The following CCDC200 variants were observed in gnomAD, a reference collection of about 807,000 sequenced individuals.
CCDC200 encodes the protein coiled-coil domain containing 200.
chr17:43,223,176 C>G lies in CCDC200; in HGVS notation c.480+380G>C, dbSNP rs1197789508. 2.0e-5 allele frequency among the ~76,000 whole-genome samples: 3 copies of G among 151,636 alleles called. No individual in the cohort carries two copies. In the East Asian group the frequency reaches 5.8e-4, roughly 29 times the overall value. Reference sequence around the variant, plus strand: ...AAGCGATCCTCTCACCTTGATCTCCCAAAGTGCTGGGATTATAGGCATGAG... The same window carrying G: ...AAGCGATCCTCTCACCTTGATCTCCGAAAGTGCTGGGATTATAGGCATGAG... On this transcript the variant is annotated intron_variant, in intron 3 of 3. Coordinates refer to ENST00000636331, the MANE Select transcript of CCDC200 (RefSeq NM_001363254.2).
intron 3 of CCDC200, among the ~76,000 whole-genome samples, chr17:43,222,702 CCTTAGCCTCCCAAGTAG>C (rs2057541255): frequency 6.6e-6 from 1 of 151,624 alleles, no homozygotes; most frequent in East Asian, 1.9e-4. Flanking sequence ...GCGATCTTCA[CCTTAGCCTCCCAAGTAG>C]CTTGGACTCC....
At chr17:43,226,290 A>G (rs1406385424) in intron 1 of CCDC200, 1 of 152,216 alleles carries the variant, frequency 6.6e-6, no homozygotes, top group Non-Finnish European at 1.5e-5. Context: ...GCAGTGAGCT[A>G]TGAATGGGCC....
chr17:43,223,077 T>C (rs2057544050), intron 3 of CCDC200, among the ~76,000 whole-genome samples: 1 of 151,622 alleles, frequency 6.6e-6, no homozygotes, highest in African/African-American at 2.4e-5. Context: ...ACCCAGCTAG[T>C]TTTTAAAATT....
intron 1 of CCDC200, among the ~76,000 whole-genome samples, chr17:43,225,735 C>T (rs1433585285): frequency 3.0e-4 from 14 of 45,996 alleles, no homozygotes; most frequent in East Asian, 2.0e-3. Flanking sequence ...TTCTTTTTTT[C>T]TTTTTTTTTT....
At chr17:43,223,459 T>TAAACACACACACACACAC (rs1490917715) in intron 3 of CCDC200, 97 bp downstream of exon 3, 2 of 136,314 alleles carry the variant, frequency 1.5e-5, no homozygotes, top group Admixed American at 1.5e-4. Flanking sequence ...TTCTCTGGAC[T>TAAACACACACACACACAC]ACACACACAC....
At chr17:43,221,742 C>T (rs148959313) in intron 3 of CCDC200, 145 bp from the exon 4 acceptor site, 4 of 152,728 alleles carry the variant, frequency 2.6e-5, no homozygotes, top group African/African-American at 7.2e-5. Context: ...CAGTTTCTTT[C>T]ATCTGTTGCA....
At chr17:43,227,726 TC>T (rs1458600010) in intron 1 of CCDC200, among the ~76,000 whole-genome samples, 1 of 150,966 alleles carries the variant, frequency 6.6e-6, no homozygotes, top group African/African-American at 2.4e-5. Context: ...CCTCAACTGA[TC>T]CACCCACCTT....
At chr17:43,222,241 C>T (rs544969063) in intron 3 of CCDC200, among the ~76,000 whole-genome samples, 1 of 152,244 alleles carries the variant, frequency 6.6e-6, no homozygotes, top group East Asian at 1.9e-4. Context: ...TCCTGGCTCA[C>T]TGCAACCTCC....
rs575806338 is a variant in CCDC200 at position 43,227,774 on chromosome 17, C to G, written c.105+676G>C. 6.2e-4 allele frequency among the ~76,000 whole-genome samples: 94 copies of G among 151,988 alleles called. No homozygotes were observed. In the Middle Eastern group the frequency reaches 0.014, roughly 22 times the overall value. On this transcript the variant is annotated intron_variant, in intron 1 of 3. Coordinates refer to ENST00000636331, the MANE Select transcript of CCDC200 (RefSeq NM_001363254.2). ...GTGCTGGATTACAGGTGTGAGCCAC[C>G]ATGCCCGGCCAAAATAACATTTTTA...
At chr17:43,221,879 C>T (rs1807433) in intron 3 of CCDC200, among the ~76,000 whole-genome samples, 2 of 151,754 alleles carry the variant, frequency 1.3e-5, no homozygotes, top group African/African-American at 2.4e-5. Flanking sequence ...GAGGCCAAGA[C>T]GGGTAGATCT....
rs1176223204 is a variant in CCDC200, at chr17:43,225,680, G to GTATA, written c.106-1135_106-1132dup. 1.4e-3 allele frequency among the ~76,000 whole-genome samples: 24 copies of GTATA among 16,610 alleles called. 9 individuals are homozygous for GTATA. Among genetic ancestry groups the GTATA allele is most frequent in the Non-Finnish European group, 0.01 (15 of 1,466 alleles). 10.9% of individuals were successfully genotyped at this position (16,610 alleles called of 152,430 possible). On this transcript the variant is annotated intron_variant, in intron 1 of 3. Coordinates refer to ENST00000636331, the MANE Select transcript of CCDC200 (RefSeq NM_001363254.2). ...TCCGTCTAAAAAAAAAAAAAAAAAA[G>GTATA]TATATATATATATTGCATGCTACAT...
At chr17:43,231,112 C>G (rs2057594170), upstream of CCDC200, among the ~76,000 whole-genome samples, 16 of 99,736 alleles carry the variant, frequency 1.6e-4, 5 homozygotes, top group South Asian at 5.0e-3. Context: ...AAACCCCAAT[C>G]TGTACTAAAA....
chr17:43,227,237 C>T (rs553272581), intron 1 of CCDC200, among the ~76,000 whole-genome samples: 1 of 152,060 alleles, frequency 6.6e-6, no homozygotes, highest in Non-Finnish European at 1.5e-5. Flanking sequence ...CCTTGGCCTC[C>T]CAAAGTGCTG....
intron 3 of CCDC200, among the ~76,000 whole-genome samples, chr17:43,222,149 C>T (rs556308213): frequency 1.3e-5 from 2 of 151,642 alleles, no homozygotes; most frequent in East Asian, 3.9e-4. Context: ...GGACTCCAAG[C>T]TAAGTGCTTT....
At chr17:43,226,989 G>T (rs898778503) in intron 1 of CCDC200, among the ~76,000 whole-genome samples, 2 of 151,990 alleles carry the variant, frequency 1.3e-5, no homozygotes, top group South Asian at 2.1e-4. Context: ...TGTTGTTGTT[G>T]TTTTTTAAGA....
intron 3 of CCDC200, among the ~76,000 whole-genome samples, chr17:43,222,719 G>T (rs1267973663): frequency 6.7e-6 from 1 of 149,630 alleles, no homozygotes; most frequent in Non-Finnish European, 1.5e-5. Context: ...CTCCCAAGTA[G>T]CTTGGACTCC....
At chr17:43,222,773 GTTT>G (rs542275017) in intron 3 of CCDC200, among the ~76,000 whole-genome samples, 2 of 127,322 alleles carry the variant, frequency 1.6e-5, no homozygotes, top group Non-Finnish European at 3.3e-5. Flanking sequence ...TTTTTTTTTC[GTTT>G]TTTTTTTTTT....
chr17:43,231,042 G>A (rs1305231927), upstream of CCDC200, among the ~76,000 whole-genome samples: 3 of 97,072 alleles, frequency 3.1e-5, 1 homozygote, highest in Admixed American at 1.2e-4. Flanking sequence ...ACTTTGGGAG[G>A]CGGCAGGCAG....
rs2057533893 is a variant in CCDC200 at position 43,221,524 on chromosome 17, A to G, written c.*47T>C. 1 of 152,578 alleles carries G rather than the reference A, an allele frequency of 6.6e-6. No homozygotes were observed. The highest frequency in any genetic ancestry group is 1.5e-5 in the Non-Finnish European group (1 of 68,026). 9.5% of individuals were successfully genotyped at this position (152,578 alleles called of 1,614,324 possible). A position where few individuals can be genotyped will look rare whatever the true frequency, so the allele number is the denominator to read the frequency against. ...GGATGCTGAGAAGATGTGGTTGCTC[A>G]TCTGCATTTTGGGGATGGCCATGGG... On this transcript the variant is annotated 3_prime_UTR_variant, in exon 4 of 4. Coordinates refer to ENST00000636331, the MANE Select transcript of CCDC200 (RefSeq NM_001363254.2).
Sources: allele counts gnomAD v4.1 joint callset (sites outside exome capture counted in the v4.1 genomes callset), GRCh38; gene constraint gnomAD v4.1.1; transcripts MANE v1.5; gene names NCBI Gene and HGNC (gene_info 2026-07-23, HGNC 2026-07-21).